GABRR1: variants seen among roughly 807,000 people sequenced by gnomAD.
The protein encoded by GABRR1 is gamma-aminobutyric acid receptor subunit rho-1.
In GABRR1, 59 loss-of-function variants were observed where a neutral mutation model predicts 55.5. The ratio of observed to expected loss-of-function variants is 1.06; its 90% CI spans 0.86 to 1.32. The LOEUF (loss-of-function observed/expected upper bound fraction) is 1.32, where lower values mean the gene tolerates loss of function less well. GABRR1 is among the 40% of genes most tolerant of loss of function. GABRR1 has a pLI of 0.00. For missense variants in GABRR1, 602 were observed against 619.1 expected, an observed-to-expected ratio of 0.97 and a Z score of 0.29; for synonymous variants, 213 against 226.0, an observed-to-expected ratio of 0.94 and a Z score of 0.51.
chr6:89,177,985 C>G lies in GABRR1; in HGVS notation c.*785G>C, dbSNP rs1438700508. The G allele has an allele frequency of 6.6e-6, 1 of 152,164 alleles. No homozygotes were observed. Among genetic ancestry groups the G allele is most frequent in the African/African-American group, 2.4e-5 (1 of 41,432 alleles). 9.4% of individuals were successfully genotyped at this position (152,164 alleles called of 1,614,324 possible). ...GCACTTCTCTTTGAACAAGGACATG[C>G]TCCAAGAAGAAGAAACATGAAGTGG... On this transcript the variant is annotated 3_prime_UTR_variant, in exon 10 of 10. Transcript: ENST00000454853.
At chr6:89,192,188 C>T (rs931031145) in intron 5 of GABRR1, among the ~76,000 whole-genome samples, 2 of 152,136 alleles carry the variant, frequency 1.3e-5, no homozygotes, top group African/African-American at 4.8e-5. Flanking sequence ...CTTTCTGGGC[C>T]TGTTACCTGG....
intron 5 of GABRR1, among the ~76,000 whole-genome samples, chr6:89,190,583 AG>A (rs954535725): frequency 6.6e-6 from 1 of 152,258 alleles, no homozygotes; most frequent in African/African-American, 2.4e-5. Context: ...AAGAAGCTCT[AG>A]GACCATATAT....
chr6:89,194,684 C>T (rs1329263957), intron 5 of GABRR1, among the ~76,000 whole-genome samples: 2 of 151,916 alleles, frequency 1.3e-5, no homozygotes, highest in Non-Finnish European at 2.9e-5. Context: ...ACTGAAATAA[C>T]AACAACAACA....
At chr6:89,195,366 G>T (rs1582387445) in intron 5 of GABRR1, among the ~76,000 whole-genome samples, 1 of 152,070 alleles carries the variant, frequency 6.6e-6, no homozygotes, top group Admixed American at 6.6e-5. Flanking sequence ...GACAGGCTGA[G>T]GCAGGAGAAT....
At chr6:89,206,132 A>G (rs1313996687) in intron 1 of GABRR1, among the ~76,000 whole-genome samples, 2 of 151,634 alleles carry the variant, frequency 1.3e-5, no homozygotes, top group African/African-American at 4.9e-5. Flanking sequence ...CCCCTGCCTC[A>G]GGTGTCATTA....
At chr6:89,222,478 T>C (rs977981824) in intron 1 of GABRR1, among the ~76,000 whole-genome samples, 7 of 152,192 alleles carry the variant, frequency 4.6e-5, no homozygotes, top group African/African-American at 1.7e-4. Flanking sequence ...AAAACATCAG[T>C]CAGACCGTTA....
At chr6:89,196,725 C>A (rs1562296338) in intron 5 of GABRR1, among the ~76,000 whole-genome samples, 1 of 150,698 alleles carries the variant, frequency 6.6e-6, no homozygotes, top group Non-Finnish European at 1.5e-5. Context: ...TGCAGTAAGC[C>A]ACGATCACGC....
chr6:89,180,000 C>T (rs2127788327), intron 9 of GABRR1, among the ~76,000 whole-genome samples: 1 of 152,234 alleles, frequency 6.6e-6, no homozygotes, highest in East Asian at 1.9e-4. Flanking sequence ...CTGGGATTCC[C>T]TCACTAAACT....
intron 7 of GABRR1, among the ~76,000 whole-genome samples, chr6:89,184,885 C>CTTTCTTTTT (rs776768704): frequency 9.7e-5 from 12 of 123,738 alleles, no homozygotes; most frequent in Non-Finnish European, 1.5e-4. Flanking sequence ...TCTTTTCTTT[C>CTTTCTTTTT]TTTTTTTTTT....
At chr6:89,190,393 T>C (rs1268219664) in intron 5 of GABRR1, 146 bp from the exon 6 acceptor site, 4 of 558,850 alleles carry the variant, frequency 7.2e-6, no homozygotes, top group East Asian at 6.1e-5. Context: ...TTTAGATAAG[T>C]AGCTTATGAG....
rs1409280647 is a variant in GABRR1 at position 89,203,484 on chromosome 6, G to A, written c.124C>T (p.Pro42Ser). ...TGTACTTCTCGTCTTTGTCTTTGGG[G>A]CCTACCATGAACATTAAAAATAAAG... The part of the protein sequence containing the change: ...EVHEMSKKGR[P>S]QRQRREVHED... The change falls in exon 2 of 10, where the codon CCC becomes TCC. Residue 42 changes from proline to serine, a missense_variant and splice_region_variant. Coordinates refer to ENST00000454853, the MANE Select transcript of GABRR1 (RefSeq NM_002042.5). 5.6e-6 allele frequency: 9 copies of A among 1,610,728 alleles called. No individual in the cohort carries two copies. The African/African-American group carries it at 8.0e-5, about 14-fold the overall frequency.
upstream of GABRR1, among the ~76,000 whole-genome samples, chr6:89,222,001 G>A (rs1182231945): frequency 2.6e-5 from 4 of 152,318 alleles, no homozygotes; most frequent in East Asian, 7.7e-4. Context: ...AGGACGAAGT[G>A]CCTTTCGTCT....
At chr6:89,191,462 G>A (rs1772084948) in intron 5 of GABRR1, among the ~76,000 whole-genome samples, 1 of 152,190 alleles carries the variant, frequency 6.6e-6, no homozygotes, top group Non-Finnish European at 1.5e-5. Flanking sequence ...AATGCCCAAT[G>A]AAGGAAATGT....
intron 1 of GABRR1, among the ~76,000 whole-genome samples, chr6:89,209,663 G>A (rs1245339650): frequency 1.3e-5 from 2 of 152,000 alleles, no homozygotes; most frequent in African/African-American, 2.4e-5. Context: ...TGCTATCACC[G>A]CAATCCCAAG....
At chr6:89,196,884 G>GAAAGA (rs1562296986) in intron 5 of GABRR1, among the ~76,000 whole-genome samples, 11 of 108,650 alleles carry the variant, frequency 1.0e-4, no homozygotes, top group African/African-American at 2.8e-4. Context: ...AGAAAGAGAA[G>GAAAGA]AGAAGAAAAA....
At chr6:89,184,385 G>T (rs1771827431) in intron 7 of GABRR1, among the ~76,000 whole-genome samples, 1 of 150,746 alleles carries the variant, frequency 6.6e-6, no homozygotes, top group African/African-American at 2.4e-5. Context: ...GCGCAGGCAA[G>T]CTCCCAGGAG....
Position 89,217,269 on chromosome 6 carries a change from C to T in GABRR1, c.54G>A (p.Trp18Ter). The part of the protein sequence containing the change: ...RFGIFLLWWG[W>*]VLATESRMHW... The stretch of plus-strand genomic sequence containing the variant: ...GCATTCTGCTTTCAGTGGCCAAAAC[C>T]CATCCCCACCACAAAAGAAAGATGC... Residue 18 changes from tryptophan to a stop codon, truncating the protein, a stop_gained, in exon 1 of 10, where the codon TGG (tryptophan) becomes TGA (stop). Coordinates refer to ENST00000454853, the MANE Select transcript of GABRR1 (RefSeq NM_002042.5). LOFTEE classifies it high-confidence loss of function. 6.2e-7 allele frequency: 1 copy of T among 1,614,072 alleles called. No homozygotes were observed. The highest frequency in any genetic ancestry group is 8.5e-7 in the Non-Finnish European group (1 of 1,179,984).
chr6:89,178,340 T>C lies in GABRR1; in HGVS notation c.*430A>G, dbSNP rs1771604516. On this transcript the variant is annotated 3_prime_UTR_variant, in exon 10 of 10. Transcript: ENST00000454853. Reference sequence around the variant, plus strand: ...CTGTCAAAGTGAGGATTTAGGTGCATGTGAATTTCATGCAAATGGCCTGTA... The same window carrying C: ...CTGTCAAAGTGAGGATTTAGGTGCACGTGAATTTCATGCAAATGGCCTGTA... 5 of 176,798 alleles carry C rather than the reference T, an allele frequency of 2.8e-5. No individual in the cohort carries two copies. Among genetic ancestry groups the C allele is most frequent in the South Asian group, 1.3e-4 (1 of 7,738 alleles). The allele number at this position is 176,798 out of a possible 1,614,324, so 11.0% of individuals were successfully genotyped here.
chr6:89,202,692 T>A (rs932011824), intron 2 of GABRR1, among the ~76,000 whole-genome samples: 1 of 151,950 alleles, frequency 6.6e-6, no homozygotes, highest in African/African-American at 2.4e-5. Flanking sequence ...TTATTTTATA[T>A]TTTTTATTTA....
Sources: gnomAD v4.1 joint callset for allele counts (sites outside exome capture counted in the v4.1 genomes callset) on GRCh38, gnomAD v4.1.1 for gene constraint, MANE v1.5 for transcripts, NCBI Gene and HGNC (gene_info 2026-07-23, HGNC 2026-07-21) for gene names.